Variants in ANKRD27 observed in about 807,000 individuals in gnomAD.
ANKRD27 encodes ankyrin repeat domain 27.
A neutral mutation model predicts 129.7 loss-of-function variants in ANKRD27; 112 were observed. The ratio of observed to expected loss-of-function variants is 0.86; its 90% CI spans 0.74 to 1.01. ANKRD27 has a LOEUF of 1.01. ANKRD27 is among the 50% of genes least tolerant of loss of function. The pLI is 0.00. For synonymous variants in ANKRD27, 516 were observed against 511.2 expected, an observed-to-expected ratio of 1.01 and a Z score of -0.13; for missense variants, 1,258 against 1,300.5, an observed-to-expected ratio of 0.97 and a Z score of 0.50.
Position 32,604,392 on chromosome 19 carries a change from CTTA to C in ANKRD27, c.2523_2525del (p.Asn841del). ...CAGCCTCGTGCAGCGCTGTGTTGCC[CTTA>C]TTGTTAGAAGCGTTAATGGAGGCCC... On this transcript the variant is annotated inframe_deletion, in exon 25 of 29. Coordinates refer to ENST00000306065, the MANE Select transcript of ANKRD27 (RefSeq NM_032139.3). 2 of 1,612,262 alleles carry C rather than the reference CTTA, an allele frequency of 1.2e-6. No individual in the cohort carries two copies. The highest frequency in any genetic ancestry group is 1.7e-6 in the Non-Finnish European group (2 of 1,178,536).
intron 3 of ANKRD27, among the ~76,000 whole-genome samples, chr19:32,647,850 T>G (rs1342048310): frequency 6.6e-6 from 1 of 152,248 alleles, no homozygotes; most frequent in East Asian, 1.9e-4. Flanking sequence ...CTGGCCACAC[T>G]GCAGCACAAG....
intron 24 of ANKRD27, 98 bp downstream of exon 24, chr19:32,605,737 G>T: frequency 6.6e-7 from 1 of 1,507,832 alleles, no homozygotes; most frequent in Non-Finnish European, 9.0e-7. Context: ...ATGGGTGGCC[G>T]GGCCTCTCCA....
intron 4 of ANKRD27, 35 bp downstream of exon 4, chr19:32,646,424 A>G: frequency 6.3e-7 from 1 of 1,580,162 alleles, no homozygotes; most frequent in Non-Finnish European, 8.6e-7. Flanking sequence ...ACATTTTTCT[A>G]AAACAGGAGA....
intron 18 of ANKRD27, among the ~76,000 whole-genome samples, chr19:32,620,244 C>T (rs1162148257): frequency 6.7e-6 from 1 of 148,882 alleles, no homozygotes; most frequent in Non-Finnish European, 1.5e-5. Context: ...GCCACACACA[C>T]ACAAAATAAT....
chr19:32,606,533 C>CG (rs1971739260), intron 23 of ANKRD27, among the ~76,000 whole-genome samples: 2 of 40,498 alleles, frequency 4.9e-5, no homozygotes, highest in Admixed American at 1.9e-4. Flanking sequence ...CCATCTGCTG[C>CG]GGGGCTGCTC....
chr19:32,669,001 G>T (rs1967814861), intron 1 of ANKRD27, among the ~76,000 whole-genome samples: 1 of 151,422 alleles, frequency 6.6e-6, no homozygotes, highest in East Asian at 2.0e-4. Context: ...TAGTAGAGAT[G>T]GTGTCTCGCT....
intron 14 of ANKRD27, among the ~76,000 whole-genome samples, 192 bp from the exon 15 acceptor site, chr19:32,628,357 C>T (rs946188400): frequency 1.3e-4 from 20 of 152,286 alleles, no homozygotes; most frequent in African/African-American, 4.6e-4. Context: ...TGGAGTCTCT[C>T]CCCCACCAAC....
chr19:32,656,071 G>GA (rs200168921), intron 2 of ANKRD27, among the ~76,000 whole-genome samples: 4,517 of 26,642 alleles, frequency 0.17, 278 homozygotes, highest in African/African-American at 0.29. Flanking sequence ...AAGAAAGAAA[G>GA]AAAGAAAGAA....
At chr19:32,664,091 A>G (rs1967701191) in intron 1 of ANKRD27, among the ~76,000 whole-genome samples, 1 of 150,484 alleles carries the variant, frequency 6.6e-6, no homozygotes, top group Non-Finnish European at 1.5e-5. Context: ...AATAGGGTGC[A>G]ATTAATTTTA....
chr19:32,633,551 T>C (rs1967038372), intron 12 of ANKRD27, among the ~76,000 whole-genome samples: 1 of 151,290 alleles, frequency 6.6e-6, no homozygotes, highest in African/African-American at 2.4e-5. Context: ...CTCGAACTCC[T>C]GGCCTCAGGT....
chr19:32,657,494 G>C (rs1967563392), intron 2 of ANKRD27, among the ~76,000 whole-genome samples: 1 of 151,122 alleles, frequency 6.6e-6, no homozygotes, highest in Non-Finnish European at 1.5e-5. Flanking sequence ...AGGCATGGTG[G>C]TTTGTGCCTG....
At chr19:32,673,606 C>T (rs562047648) in intron 1 of ANKRD27, 2 of 301,948 alleles carry the variant, frequency 6.6e-6, no homozygotes, top group African/African-American at 2.3e-5. Context: ...CTCTTTCCAC[C>T]CATTTTGTCC....
At chr19:32,600,312 G>A in intron 26 of ANKRD27, 1 of 307,604 alleles carries the variant, frequency 3.3e-6, no homozygotes, top group Non-Finnish European at 6.4e-6. Flanking sequence ...GGCCGAGGTG[G>A]GCATATCACT....
intron 23 of ANKRD27, 61 bp downstream of exon 23, chr19:32,607,574 G>T (rs1474956049): frequency 1.3e-6 from 2 of 1,562,656 alleles, no homozygotes; most frequent in Non-Finnish European, 1.7e-6. Context: ...TTCCTACCAA[G>T]CACAAGGTCC....
chr19:32,617,571 G>A lies in ANKRD27; in HGVS notation c.2052+18C>T. ...CTAAAAAATAAAAATAAAATAAAAA[G>A]CACTTCTAAAAACTCACCATTTCTA... On this transcript the variant is annotated intron_variant, in intron 21 of 28. Coordinates refer to ENST00000306065, the MANE Select transcript of ANKRD27 (RefSeq NM_032139.3). 2.7e-6 allele frequency: 2 copies of A among 743,272 alleles called. No individual in the cohort carries two copies. The highest frequency in any genetic ancestry group is 2.4e-5 in the East Asian group (1 of 40,818). The allele number at this position is 743,272 out of a possible 1,614,324, so 46.0% of individuals were successfully genotyped here. A position where few individuals can be genotyped will look rare whatever the true frequency, so the allele number is the denominator to read the frequency against.
chr19:32,669,336 A>G (rs1357353787), intron 1 of ANKRD27, among the ~76,000 whole-genome samples: 3 of 152,196 alleles, frequency 2.0e-5, no homozygotes, highest in Non-Finnish European at 4.4e-5. Context: ...TGCCTCTGCA[A>G]TAACTCAGCT....
At position 32,628,109 on chromosome 19, in the gene ANKRD27, G is replaced by T. The variant is rs1966923788; in HGVS notation, c.1394C>A (p.Thr465Asn). 6.2e-7 allele frequency: 1 copy of T among 1,614,226 alleles called. No homozygotes were observed. The highest frequency in any genetic ancestry group is 8.5e-7 in the Non-Finnish European group (1 of 1,180,022). The stretch of plus-strand genomic sequence containing the variant: ...ACAGACAGCAGCCACATGGAGAGGG[G>T]TGTGCCCCCTGTCGTCTCTGGAGAA... ...TPFSRDDRGHTPLHVAAVCGQ... is the reference protein window; with the variant it reads ...TPFSRDDRGHNPLHVAAVCGQ... Residue 465 changes from threonine to asparagine, a missense_variant, in exon 15 of 29, where the codon ACC becomes AAC. Thr to Asn is a moderately conservative substitution (Grantham distance 65, BLOSUM62 0). Transcript: ENST00000306065.
At chr19:32,666,350 G>C (rs1268201098) in intron 1 of ANKRD27, 1 of 152,154 alleles carries the variant, frequency 6.6e-6, no homozygotes, top group Non-Finnish European at 1.5e-5. Context: ...CATCAGAACT[G>C]GGACTTCTGA....
rs1347098174 is a variant in ANKRD27, at chr19:32,598,364, A to T, written c.2934T>A (p.Ser978Arg). 1.2e-6 allele frequency: 2 copies of T among 1,614,058 alleles called. No homozygotes were observed. Among genetic ancestry groups the T allele is most frequent in the African/African-American group, 2.7e-5 (2 of 74,920 alleles). ...GCAGGTTATTCTGTCTCAGTGTGAC[A>T]CTTTGCCTCCCTGGCTAAAGAAAAA... is the stretch of plus-strand genomic sequence containing the variant. The part of the protein sequence containing the change: ...EGSLHEPGRQ[S>R]VTLRQNNLPA... Residue 978 changes from serine to arginine, a missense_variant, in exon 29 of 29, where the codon AGT becomes AGA. Transcript: ENST00000306065.
Sources: allele counts gnomAD v4.1 joint callset (sites outside exome capture counted in the v4.1 genomes callset), GRCh38; gene constraint gnomAD v4.1.1; transcripts MANE v1.5; gene names NCBI Gene and HGNC (gene_info 2026-07-23, HGNC 2026-07-21).